MRPL37: variants seen among roughly 807,000 people sequenced by gnomAD.
MRPL37 encodes the protein mitochondrial ribosomal protein L37.
Under a neutral mutation model 44.1 loss-of-function variants are expected in MRPL37, and 34 were observed. The ratio of observed to expected loss-of-function variants is 0.77; its 90% CI spans 0.59 to 1.03. The LOEUF (loss-of-function observed/expected upper bound fraction) is 1.03. MRPL37 is among the 50% of genes least tolerant of loss of function. The pLI, the probability that MRPL37 is intolerant of heterozygous loss-of-function variation, is 0.00. For synonymous variants in MRPL37, 212 were observed against 219.5 expected (o/e 0.97, Z 0.30); for missense variants, 532 against 543.7 (o/e 0.98, Z 0.21).
At chr1:54,212,705 C>G in intron 5 of MRPL37, 47 bp downstream of exon 5, 1 of 1,610,886 alleles carries the variant, frequency 6.2e-7, no homozygotes, top group Non-Finnish European at 8.5e-7. Flanking sequence ...TGGTGTTGGT[C>G]TCCTCCCTTA....
downstream of MRPL37, among the ~76,000 whole-genome samples, chr1:54,221,344 G>A (rs1644232223): frequency 6.6e-6 from 1 of 152,138 alleles, no homozygotes; most frequent in Non-Finnish European, 1.5e-5. Context: ...TGCTGTGGGT[G>A]AAAGTCTCAG....
At chr1:54,202,758 T>C (rs1476207229) in intron 1 of MRPL37, among the ~76,000 whole-genome samples, 5 of 152,160 alleles carry the variant, frequency 3.3e-5, no homozygotes, top group Non-Finnish European at 7.3e-5. Context: ...CCCAGAGTGC[T>C]GAGGTTATAG....
intron 1 of MRPL37, among the ~76,000 whole-genome samples, chr1:54,204,244 G>A (rs1644105068): frequency 6.6e-6 from 1 of 152,100 alleles, no homozygotes; most frequent in Non-Finnish European, 1.5e-5. Context: ...TTAGTTGGGT[G>A]CTGTGGTTTA....
At chr1:54,204,395 CAA>C (rs879671756) in intron 1 of MRPL37, among the ~76,000 whole-genome samples, 3 of 132,860 alleles carry the variant, frequency 2.3e-5, no homozygotes, top group Admixed American at 7.6e-5. Flanking sequence ...GACTTTGTCT[CAA>C]AAAAAAAAAA....
intron 3 of MRPL37, chr1:54,207,456 G>A (rs1385014400): frequency 1.3e-5 from 2 of 152,168 alleles, no homozygotes; most frequent in Non-Finnish European, 2.9e-5. Flanking sequence ...ACATCTGCTT[G>A]GTCAGGATTT....
At position 54,218,314 on chromosome 1, in the gene MRPL37, C is replaced by T. The variant is rs931037461; in HGVS notation, c.*65C>T. 1.1e-5 allele frequency: 18 copies of T among 1,611,090 alleles called. No individual in the cohort carries two copies. The highest frequency in any genetic ancestry group is 4.0e-5 in the African/African-American group (3 of 74,742). The stretch of plus-strand genomic sequence containing the variant: ...TCTTCCACGGAAGAGGGCCTGGGCC[C>T]CGTGGAGCCTCAGTGCCCGTTTGGC... On this transcript the variant is annotated 3_prime_UTR_variant, in exon 7 of 7. Transcript: ENST00000360840.
intron 4 of MRPL37, among the ~76,000 whole-genome samples, chr1:54,211,770 G>C (rs954042830): frequency 6.6e-6 from 1 of 152,146 alleles, no homozygotes; most frequent in East Asian, 1.9e-4. Flanking sequence ...TGGGATTACC[G>C]GCATGAGCCA....
At chr1:54,225,434 C>A (rs1227132173), downstream of MRPL37, 6 of 1,230,478 alleles carry the variant, frequency 4.9e-6, no homozygotes, top group Non-Finnish European at 5.1e-6. Flanking sequence ...GGAAGGGCTG[C>A]GGAAAAAAGA....
At chr1:54,208,729 T>C (rs1241679432) in intron 3 of MRPL37, among the ~76,000 whole-genome samples, 1 of 152,078 alleles carries the variant, frequency 6.6e-6, no homozygotes, top group Non-Finnish European at 1.5e-5. Context: ...CTAGAGTGCT[T>C]TTCCCCCTTT....
chr1:54,215,504 A>G (rs1477938392), intron 5 of MRPL37, among the ~76,000 whole-genome samples: 2 of 152,128 alleles, frequency 1.3e-5, no homozygotes, highest in African/African-American at 4.8e-5. Context: ...GCTGGAGTGG[A>G]TACTCCAGAA....
chr1:54,222,855 C>T (rs914031934), downstream of MRPL37, among the ~76,000 whole-genome samples: 3 of 152,228 alleles, frequency 2.0e-5, no homozygotes, highest in African/African-American at 7.2e-5. Context: ...GCCTCACCTC[C>T]ACAAACGGCA....
chr1:54,201,437 A>G (rs1644082134), intron 1 of MRPL37, among the ~76,000 whole-genome samples: 1 of 152,228 alleles, frequency 6.6e-6, no homozygotes, highest in African/African-American at 2.4e-5. Context: ...CTTACAAGGT[A>G]GTGGGAAGGA....
downstream of MRPL37, among the ~76,000 whole-genome samples, chr1:54,219,004 G>C (rs986102023): frequency 6.6e-6 from 1 of 152,226 alleles, no homozygotes; most frequent in Non-Finnish European, 1.5e-5. Context: ...TCAGCTTCCC[G>C]AGGAAACACT....
chr1:54,218,649 T>TTTAATTTAA (rs1644214218), downstream of MRPL37, among the ~76,000 whole-genome samples: 1 of 152,204 alleles, frequency 6.6e-6, no homozygotes, highest in Non-Finnish European at 1.5e-5. Flanking sequence ...TATGGCATTA[T>TTTAATTTAA]TTAAATTGTG....
downstream of MRPL37, chr1:54,225,047 T>G (rs1570162779): frequency 8.3e-7 from 1 of 1,209,276 alleles, no homozygotes; most frequent in Non-Finnish European, 1.0e-6. Context: ...AAGCAGGGAG[T>G]GGCTGTGGCC....
chr1:54,213,383 TC>T (rs1644177607), intron 5 of MRPL37, among the ~76,000 whole-genome samples: 1 of 152,092 alleles, frequency 6.6e-6, no homozygotes, highest in Admixed American at 6.5e-5. Flanking sequence ...GACCCCCAGG[TC>T]TTGGTTAGAG....
At position 54,209,833 on chromosome 1, in the gene MRPL37, A is replaced by G. The variant is rs1644151197; in HGVS notation, c.647-113A>G. 7.4e-6 allele frequency: 8 copies of G among 1,082,548 alleles called. No individual in the cohort carries two copies. In the Admixed American group the frequency reaches 1.3e-4, roughly 18 times the overall value. 67.1% of individuals were successfully genotyped at this position (1,082,548 alleles called of 1,614,324 possible). On this transcript the variant is annotated intron_variant, in intron 3 of 6. Coordinates refer to ENST00000360840, the MANE Select transcript of MRPL37 (RefSeq NM_016491.4). ...GCTGACCTAGAACTCCTGGCTTCCAATGATCCACCTGCCTTGGCCTCCCAA... is the reference window on the plus strand; with the variant it reads ...GCTGACCTAGAACTCCTGGCTTCCAGTGATCCACCTGCCTTGGCCTCCCAA...
chr1:54,225,074 A>G, downstream of MRPL37: 1 of 1,233,718 alleles, frequency 8.1e-7, no homozygotes, highest in Non-Finnish European at 1.0e-6. Flanking sequence ...GCCGATAGCG[A>G]CTCCCCATAG....
downstream of MRPL37, chr1:54,225,342 G>C (rs753892609): frequency 1.1e-5 from 13 of 1,234,062 alleles, no homozygotes; most frequent in Non-Finnish European, 1.2e-5. Context: ...TATGCACCAG[G>C]AACAAAAACT....
Sources: allele counts gnomAD v4.1 joint callset (sites outside exome capture counted in the v4.1 genomes callset), GRCh38; gene constraint gnomAD v4.1.1; transcripts MANE v1.5; gene names NCBI Gene and HGNC (gene_info 2026-07-23, HGNC 2026-07-21).